Variants in LIMS1 observed in about 807,000 individuals in gnomAD.
LIMS1 encodes LIM zinc finger domain containing 1, also known as LIM and senescent cell antigen-like-containing domain protein 1.
In LIMS1, 18 loss-of-function variants were observed where a neutral mutation model predicts 44.1. The ratio of observed to expected loss-of-function variants is 0.41; its 90% CI spans 0.28 to 0.61. The LOEUF (loss-of-function observed/expected upper bound fraction) is 0.61, where lower values mean the gene tolerates loss of function less well. LIMS1 is among the 20% of genes least tolerant of loss of function. LIMS1 has a pLI of 0.32. For synonymous variants in LIMS1, 93 were observed against 149.1 expected (o/e 0.62, Z 2.74); for missense variants, 201 against 422.0 (o/e 0.48, Z 4.59).
Position 108,646,871 on chromosome 2 carries a change from G to A in LIMS1, c.33-12734G>A, listed in dbSNP as rs180679455. Among the ~76,000 whole-genome samples the A allele has an allele frequency of 3.4e-3, 512 of 152,154 alleles. 2 individuals are homozygous for A. Among genetic ancestry groups the A allele is most frequent in the African/African-American group, 0.011 (469 of 41,500 alleles). On this transcript the variant is annotated intron_variant, in intron 1 of 9. Transcript: ENST00000544547. ...TGAGTAGCTGGGACTACAGGCGCCT[G>A]CCAACACACCCGGCTAATTTTTTGT...
chr2:108,635,442 A>AG (rs1318092468), intron 1 of LIMS1, among the ~76,000 whole-genome samples: 1 of 149,400 alleles, frequency 6.7e-6, no homozygotes, highest in African/African-American at 2.5e-5. Context: ...AAAAAAAAAA[A>AG]AAAAAAAAGA....
In LIMS1 at chr2:108,623,159, T is replaced by G. The variant is rs57441783; in HGVS notation, c.33-36446T>G. 5.1e-3 allele frequency among the ~76,000 whole-genome samples: 783 copies of G among 152,282 alleles called. 11 individuals are homozygous for G. Among genetic ancestry groups the G allele is most frequent in the African/African-American group, 0.018 (750 of 41,564 alleles). ...CCTAATGTAGAGAAAATGATCATTTTCCTTATTCAGAAGTATAGGTTAGCC... is the reference window on the plus strand; with the variant it reads ...CCTAATGTAGAGAAAATGATCATTTGCCTTATTCAGAAGTATAGGTTAGCC... On this transcript the variant is annotated intron_variant, in intron 1 of 9. Transcript: ENST00000544547.
intron 6 of LIMS1, 96 bp from the exon 7 acceptor site, chr2:108,676,510 C>T: frequency 1.4e-6 from 2 of 1,429,628 alleles, no homozygotes; most frequent in Non-Finnish European, 1.9e-6. Flanking sequence ...CTCAAACTTT[C>T]CTTCATCTTC....
At chr2:108,617,804 G>A (rs1262150983) in intron 1 of LIMS1, among the ~76,000 whole-genome samples, 2 of 152,208 alleles carry the variant, frequency 1.3e-5, no homozygotes, top group East Asian at 1.9e-4. Context: ...AGGAAGCACA[G>A]TCTGTCTGGG....
intron 1 of LIMS1, among the ~76,000 whole-genome samples, chr2:108,641,050 C>T (rs1435835337): frequency 1.3e-5 from 2 of 152,136 alleles, no homozygotes; most frequent in African/African-American, 4.8e-5. Flanking sequence ...CTTTCTGTGC[C>T]TGACTTATTT....
intron 1 of LIMS1, among the ~76,000 whole-genome samples, chr2:108,594,785 A>G (rs1686582132): frequency 6.6e-6 from 1 of 152,226 alleles, no homozygotes; most frequent in South Asian, 2.1e-4. Flanking sequence ...TTTTAAAGTT[A>G]CCAGGAGAAT....
At chr2:108,662,845 T>A in intron 2 of LIMS1, 1 of 728,306 alleles carries the variant, frequency 1.4e-6, no homozygotes, top group East Asian at 1.3e-4. Flanking sequence ...AACAACTTCC[T>A]TCCCTGATTT....
intron 1 of LIMS1, among the ~76,000 whole-genome samples, chr2:108,594,749 G>T (rs527745989): frequency 6.6e-6 from 1 of 152,212 alleles, no homozygotes; most frequent in South Asian, 2.1e-4. Flanking sequence ...TCATGTCCAA[G>T]CTATATACAT....
chr2:108,662,380 G>A (rs879149373), intron 2 of LIMS1: 37 of 1,586,684 alleles, frequency 2.3e-5, no homozygotes, highest in South Asian at 3.4e-5. Context: ...AGAATAAAGT[G>A]TGACTCATCT....
intron 1 of LIMS1, among the ~76,000 whole-genome samples, chr2:108,598,231 G>A (rs951610053): frequency 2.0e-5 from 3 of 151,778 alleles, no homozygotes; most frequent in Non-Finnish European, 1.5e-5. Context: ...CCTCCATCTA[G>A]TAAGTTTGCC....
intron 7 of LIMS1, 36 bp from the exon 8 acceptor site, chr2:108,677,943 A>G: frequency 6.4e-7 from 1 of 1,569,204 alleles, no homozygotes; most frequent in Non-Finnish European, 8.6e-7. Context: ...AAATTCTAAC[A>G]CATCTTGAAC....
chr2:108,668,397 C>A (rs13418636), intron 2 of LIMS1, among the ~76,000 whole-genome samples: 3,208 of 152,250 alleles, frequency 0.021, 48 homozygotes, highest in Non-Finnish European at 0.025. Context: ...CCTCCAGCAA[C>A]CTCTATTTTA....
intron 1 of LIMS1, among the ~76,000 whole-genome samples, chr2:108,551,396 TTATA>T (rs1439139029): frequency 1.4e-5 from 2 of 146,008 alleles, no homozygotes; most frequent in South Asian, 2.1e-4. Flanking sequence ...TATTTTATAT[TTATA>T]TATTTAGCTA....
chr2:108,676,139 T>C (rs995836942), intron 6 of LIMS1, 111 bp downstream of exon 6: 4 of 1,342,568 alleles, frequency 3.0e-6, no homozygotes, highest in Non-Finnish European at 4.0e-6. Context: ...CTTTCAAATC[T>C]TCATGATTCA....
At chr2:108,561,693 T>C (rs778112645) in intron 1 of LIMS1, among the ~76,000 whole-genome samples, 18 of 152,098 alleles carry the variant, frequency 1.2e-4, no homozygotes, top group Non-Finnish European at 1.3e-4. Context: ...ATTTCAAACT[T>C]CTTTGTTATG....
chr2:108,648,917 G>A (rs1022130134), intron 1 of LIMS1, among the ~76,000 whole-genome samples: 1 of 152,142 alleles, frequency 6.6e-6, no homozygotes, highest in Non-Finnish European at 1.5e-5. Flanking sequence ...CAGGACATAG[G>A]CATGGGCAAG....
chr2:108,601,272 C>CA (rs1338682245), intron 1 of LIMS1, among the ~76,000 whole-genome samples: 2 of 152,142 alleles, frequency 1.3e-5, no homozygotes, highest in Non-Finnish European at 2.9e-5. Flanking sequence ...TTCTTACACT[C>CA]ACCAAACTAT....
intron 1 of LIMS1, among the ~76,000 whole-genome samples, chr2:108,569,960 G>C (rs1446874674): frequency 6.6e-6 from 1 of 151,620 alleles, no homozygotes; most frequent in Non-Finnish European, 1.5e-5. Flanking sequence ...TTTATTTTGG[G>C]AGAAAAATAA....
intron 1 of LIMS1, among the ~76,000 whole-genome samples, chr2:108,544,711 T>G (rs1241716130): frequency 6.6e-6 from 1 of 152,090 alleles, no homozygotes; most frequent in Non-Finnish European, 1.5e-5. Context: ...GCCAGGCTGG[T>G]CTCAAACTCT....
Sources: allele counts gnomAD v4.1 joint callset (sites outside exome capture counted in the v4.1 genomes callset), GRCh38; gene constraint gnomAD v4.1.1; transcripts MANE v1.5; gene names NCBI Gene and HGNC (gene_info 2026-07-23, HGNC 2026-07-21).